CEACAM21: variants seen among roughly 807,000 people sequenced by gnomAD.
CEACAM21 encodes the protein CEA cell adhesion molecule 21.
Under a neutral mutation model 33.2 loss-of-function variants are expected in CEACAM21, and 38 were observed. The ratio of observed to expected loss-of-function variants is 1.14; its 90% confidence interval spans 0.88 to 1.50. The LOEUF (loss-of-function observed/expected upper bound fraction) is 1.50, where lower values mean the gene tolerates loss of function less well. CEACAM21 is among the 40% of genes most tolerant of loss of function. The pLI is 0.00. For missense variants in CEACAM21, 385 were observed against 364.6 expected, an observed-to-expected ratio of 1.06 and a Z score of -0.46; for synonymous variants, 156 against 143.0, an observed-to-expected ratio of 1.09 and a Z score of -0.65.
intron 1 of CEACAM21, among the ~76,000 whole-genome samples, chr19:41,557,474 C>T (rs192056401): frequency 1.9e-4 from 29 of 152,202 alleles, no homozygotes; most frequent in Non-Finnish European, 3.5e-4. Flanking sequence ...GGGGTCCTGT[C>T]GGGTTCGATA....
chr19:41,572,518 C>A (rs546088947), upstream of CEACAM21, among the ~76,000 whole-genome samples: 9 of 152,220 alleles, frequency 5.9e-5, 1 homozygote, highest in South Asian at 1.7e-3. Context: ...CCCAGAGGCA[C>A]CAACCCCGAT....
chr19:41,584,861 C>A (rs2070605142), intron 4 of CEACAM21, among the ~76,000 whole-genome samples: 1 of 152,140 alleles, frequency 6.6e-6, no homozygotes, highest in Non-Finnish European at 1.5e-5. Context: ...GGGGTCAGCA[C>A]CCCTTTGACT....
intron 2 of CEACAM21, chr19:41,579,132 T>TG: frequency 1.5e-6 from 1 of 665,630 alleles, no homozygotes; most frequent in Non-Finnish European, 2.6e-6. Flanking sequence ...CAGGGCTCCC[T>TG]GGTCCTGGTC....
rs981984811 is a variant in CEACAM21 at position 41,577,428 on chromosome 19, G to A, written c.293G>A (p.Arg98Gln). Residue 98 changes from arginine (R) to glutamine (Q), a missense_variant, in exon 2 of 7, where the codon CGA (arginine) becomes CAA (glutamine). Coordinates refer to ENST00000401445, the MANE Select transcript of CEACAM21 (RefSeq NM_001098506.4). ...ACTCCAGGGCCTGCATACAGCGGTC[G>A]AGAGACAATATCACCCAGTGGAGAT... ...VRTPGPAYSGRETISPSGDLH... is the reference protein window; with the variant it reads ...VRTPGPAYSGQETISPSGDLH... The A allele has an allele frequency of 6.8e-6, 11 of 1,614,160 alleles. No homozygotes were observed. Among genetic ancestry groups the A allele is most frequent in the Admixed American group, 5.0e-5 (3 of 60,020 alleles).
At chr19:41,555,056 C>T (rs998419192) in intron 1 of CEACAM21, 1 of 152,032 alleles carries the variant, frequency 6.6e-6, no homozygotes. Flanking sequence ...CAACTGTTTG[C>T]TCCATCTCAA....
chr19:41,556,794 C>A (rs1275321345), intron 1 of CEACAM21, among the ~76,000 whole-genome samples: 1 of 152,136 alleles, frequency 6.6e-6, no homozygotes, highest in Non-Finnish European at 1.5e-5. Context: ...GCAGTATGAA[C>A]TTCAAAAGAT....
At chr19:41,572,752 A>AC (rs745483874), upstream of CEACAM21, among the ~76,000 whole-genome samples, 2 of 152,100 alleles carry the variant, frequency 1.3e-5, no homozygotes, top group African/African-American at 4.8e-5. Context: ...ATTCATGACC[A>AC]CCCACCAACA....
At position 41,577,432 on chromosome 19, in the gene CEACAM21, G is replaced by C; in HGVS notation, c.297G>C (p.Glu99Asp). ...RTPGPAYSGR[E>D]TISPSGDLHF... ...CAGGGCCTGCATACAGCGGTCGAGA[G>C]ACAATATCACCCAGTGGAGATCTGC... The change falls in exon 2 of 7, where the codon GAG becomes GAC. Residue 99 changes from glutamate to aspartate, a missense_variant. Coordinates refer to ENST00000401445, the MANE Select transcript of CEACAM21 (RefSeq NM_001098506.4). 6.2e-7 allele frequency: 1 copy of C among 1,614,168 alleles called. No homozygotes were observed. Among genetic ancestry groups the C allele is most frequent in the South Asian group, 1.1e-5 (1 of 91,086 alleles).
chr19:41,554,153 C>T (rs1211818423), intron 1 of CEACAM21, among the ~76,000 whole-genome samples: 4 of 152,006 alleles, frequency 2.6e-5, no homozygotes, highest in African/African-American at 7.2e-5. Flanking sequence ...GCAGTTAATT[C>T]CTGTCCTGCT....
chr19:41,569,688 C>T (rs1338553994), intron 2 of CEACAM21, among the ~76,000 whole-genome samples: 6 of 152,140 alleles, frequency 3.9e-5, no homozygotes, highest in Non-Finnish European at 7.4e-5. Context: ...CCTCCCATGC[C>T]TGCTTTGCCC....
At chr19:41,569,005 A>G (rs2042432776) in intron 2 of CEACAM21, among the ~76,000 whole-genome samples, 1 of 152,192 alleles carries the variant, frequency 6.6e-6, no homozygotes, top group Admixed American at 6.5e-5. Flanking sequence ...TTCATTATAA[A>G]GGTCTTTTAC....
At chr19:41,579,207 G>A (rs2043179267) in intron 2 of CEACAM21, 146 bp from the exon 3 acceptor site, 3 of 1,345,844 alleles carry the variant, frequency 2.2e-6, no homozygotes, top group Admixed American at 2.0e-5. Context: ...ACTGCTCGCT[G>A]CTATGGGTGT....
intron 1 of CEACAM21, among the ~76,000 whole-genome samples, chr19:41,558,961 G>A (rs2041707471): frequency 6.6e-6 from 1 of 152,160 alleles, no homozygotes; most frequent in Non-Finnish European, 1.5e-5. Context: ...GTATTCATTG[G>A]TTTGGCATCT....
intron 2 of CEACAM21, among the ~76,000 whole-genome samples, chr19:41,568,141 T>C (rs1555788691): frequency 6.6e-6 from 1 of 152,082 alleles, no homozygotes; most frequent in African/African-American, 2.4e-5. Flanking sequence ...TTTTCTTATA[T>C]ATTTTGGATA....
At chr19:41,554,769 C>T (rs1325098168) in intron 1 of CEACAM21, among the ~76,000 whole-genome samples, 1 of 151,970 alleles carries the variant, frequency 6.6e-6, no homozygotes, top group African/African-American at 2.4e-5. Context: ...AAGAGAAACC[C>T]ATTGTGTTTT....
intron 2 of CEACAM21, among the ~76,000 whole-genome samples, chr19:41,569,073 T>G (rs1555788848): frequency 6.6e-6 from 1 of 152,230 alleles, no homozygotes; most frequent in African/African-American, 2.4e-5. Flanking sequence ...GCTTAAAAAT[T>G]TTAGCAGTAG....
chr19:41,573,834 A>G (rs2042761995), upstream of CEACAM21, among the ~76,000 whole-genome samples: 1 of 152,220 alleles, frequency 6.6e-6, no homozygotes, highest in Non-Finnish European at 1.5e-5. Flanking sequence ...AGGAGAGCTG[A>G]ACCACTCCTG....
At position 41,576,364 on chromosome 19, in the gene CEACAM21, G is replaced by A. The variant is rs185182839; in HGVS notation, c.64+26G>A. ...GTGAGGGGAGGACTCCCTGGGAGTGGGTGGGAGGAGGGAGCACAGAGACTG... is the reference window on the plus strand; with the variant it reads ...GTGAGGGGAGGACTCCCTGGGAGTGAGTGGGAGGAGGGAGCACAGAGACTG... On this transcript the variant is annotated intron_variant, in intron 1 of 6. Coordinates refer to ENST00000401445, the MANE Select transcript of CEACAM21 (RefSeq NM_001098506.4). 733 of 1,597,930 alleles carry A rather than the reference G, an allele frequency of 4.6e-4. 1 individual carries two copies. In the African/African-American group the frequency reaches 8.5e-3, roughly 18 times the overall value.
At chr19:41,564,286 C>T (rs1226443267) in intron 1 of CEACAM21, among the ~76,000 whole-genome samples, 1 of 151,552 alleles carries the variant, frequency 6.6e-6, no homozygotes, top group Non-Finnish European at 1.5e-5. Flanking sequence ...CCGCTTTCAC[C>T]TTCTGAATTC....
Sources: allele counts gnomAD v4.1 joint callset (sites outside exome capture counted in the v4.1 genomes callset), GRCh38; gene constraint gnomAD v4.1.1; transcripts MANE v1.5; gene names NCBI Gene and HGNC (gene_info 2026-07-23, HGNC 2026-07-21).